The following SH3PXD2A variants were observed in gnomAD, a reference collection of about 807,000 sequenced individuals.
SH3PXD2A encodes SH3 and PX domain-containing protein 2A.
In SH3PXD2A, 32 loss-of-function variants were observed where a neutral mutation model predicts 115.2. That is an observed-to-expected ratio of 0.28 (90% CI 0.21 to 0.37). The LOEUF (loss-of-function observed/expected upper bound fraction) is 0.37, where lower values mean the gene tolerates loss of function less well. SH3PXD2A is among the 10% of genes least tolerant of loss of function. The pLI is 1.00. For missense variants in SH3PXD2A, 1,328 were observed against 1,498.7 expected, an observed-to-expected ratio of 0.89 and a Z score of 1.88; for synonymous variants, 610 against 629.1, an observed-to-expected ratio of 0.97 and a Z score of 0.45.
chr10:103,678,935 T>C (rs1363542399), intron 6 of SH3PXD2A, among the ~76,000 whole-genome samples: 1 of 152,214 alleles, frequency 6.6e-6, no homozygotes, highest in Non-Finnish European at 1.5e-5. Flanking sequence ...CAATCTGCAA[T>C]AGCTCCTCTG....
chr10:103,668,630 C>G lies in SH3PXD2A; in HGVS notation c.450G>C (p.Glu150Asp), dbSNP rs2037416161. ...RKSVWLSSWA[E>D]SPKKDVTGAD... Reference sequence around the variant, plus strand: ...TACCTGTCACGTCCTTCTTGGGCGACTCAGCCCAGCTGGACAGCCACACTT... The same window carrying G: ...TACCTGTCACGTCCTTCTTGGGCGAGTCAGCCCAGCTGGACAGCCACACTT... The change falls in exon 7 of 15, where the codon GAG (glutamate) becomes GAC (aspartate). Residue 150 changes from glutamate to aspartate, a missense_variant. Transcript: ENST00000369774. The G allele has an allele frequency of 6.4e-7, 1 of 1,558,476 alleles. No individual in the cohort carries two copies.
chr10:103,842,326 T>C (rs995052445), intron 1 of SH3PXD2A, among the ~76,000 whole-genome samples: 20 of 152,218 alleles, frequency 1.3e-4, no homozygotes, highest in African/African-American at 3.9e-4. Context: ...ATTTGATACC[T>C]GTATACAATG....
At chr10:103,791,776 G>A (rs1000565839) in intron 2 of SH3PXD2A, among the ~76,000 whole-genome samples, 3 of 151,998 alleles carry the variant, frequency 2.0e-5, no homozygotes, top group South Asian at 2.1e-4. Context: ...AACTGCACGA[G>A]AAGTTGCAAA....
At chr10:103,606,038 C>T in intron 13 of SH3PXD2A, 121 bp from the exon 14 acceptor site, 1 of 975,730 alleles carries the variant, frequency 1.0e-6, no homozygotes, top group Non-Finnish European at 1.5e-6. Context: ...AGCTGGACAG[C>T]AGCTGGCCTG....
intron 3 of SH3PXD2A, among the ~76,000 whole-genome samples, chr10:103,755,838 TG>T (rs1423377445): frequency 6.6e-6 from 1 of 152,198 alleles, no homozygotes; most frequent in African/African-American, 2.4e-5. Flanking sequence ...TGGCTTCTCC[TG>T]TTTGGGCCTG....
rs541852028 is a variant in SH3PXD2A at position 103,842,124 on chromosome 10, C to CAAA, written c.72+13068_72+13070dup. Among the ~76,000 whole-genome samples, 7 of 89,154 alleles carry CAAA rather than the reference C, an allele frequency of 7.9e-5. No homozygotes were observed. In the East Asian group the frequency reaches 9.1e-4, roughly 12 times the overall value. The allele number at this position is 89,154 out of a possible 152,430, so 58.5% of individuals were successfully genotyped here. Reference sequence around the variant, plus strand: ...TGGGCGACAGAGCGAGACTCCGTCTCAAAAAAAAAAAAAAAAAAAGCACAG... The same window carrying CAAA: ...TGGGCGACAGAGCGAGACTCCGTCTCAAAAAAAAAAAAAAAAAAAAAAGCACAG... On this transcript the variant is annotated intron_variant, in intron 1 of 14. Coordinates refer to ENST00000369774, the MANE Select transcript of SH3PXD2A (RefSeq NM_001394015.1).
At chr10:103,606,028 A>G (rs906244960) in intron 13 of SH3PXD2A, 111 bp from the exon 14 acceptor site, 43 of 1,084,712 alleles carry the variant, frequency 4.0e-5, no homozygotes, top group East Asian at 2.8e-4. Context: ...CGTTTACACC[A>G]GCTGGACAGC....
intron 10 of SH3PXD2A, among the ~76,000 whole-genome samples, chr10:103,622,259 G>A (rs1264077276): frequency 6.6e-6 from 1 of 152,118 alleles, no homozygotes; most frequent in Non-Finnish European, 1.5e-5. Flanking sequence ...TACCCAGGAG[G>A]TTGACAAAGC....
At chr10:103,712,294 A>C (rs549199825) in intron 5 of SH3PXD2A, among the ~76,000 whole-genome samples, 75 of 152,342 alleles carry the variant, frequency 4.9e-4, no homozygotes, top group South Asian at 1.2e-3. Flanking sequence ...TCCGGGCCAC[A>C]TGTCCTGGGT....
chr10:103,796,700 T>A (rs570906859), intron 2 of SH3PXD2A, among the ~76,000 whole-genome samples: 1 of 152,180 alleles, frequency 6.6e-6, no homozygotes, highest in Non-Finnish European at 1.5e-5. Flanking sequence ...GCCTGGACTC[T>A]CATCTTTCTA....
At chr10:103,848,869 G>GTCTAA (rs1394941935) in intron 1 of SH3PXD2A, among the ~76,000 whole-genome samples, 1 of 151,356 alleles carries the variant, frequency 6.6e-6, no homozygotes, top group Non-Finnish European at 1.5e-5. Flanking sequence ...CCAGGTACCG[G>GTCTAA]TCTAAGCTCT....
intron 13 of SH3PXD2A, among the ~76,000 whole-genome samples, chr10:103,607,396 A>T (rs1040154689): frequency 6.6e-6 from 1 of 150,596 alleles, no homozygotes; most frequent in African/African-American, 2.5e-5. Context: ...CCCGTCCGGG[A>T]GGGAGGTGGG....
chr10:103,799,323 C>G (rs2039125328), intron 2 of SH3PXD2A, among the ~76,000 whole-genome samples: 1 of 152,248 alleles, frequency 6.6e-6, no homozygotes, highest in Admixed American at 6.5e-5. Context: ...CACTAAAACT[C>G]ATCATGGCAG....
At chr10:103,604,099 G>T (rs1402983757) in intron 14 of SH3PXD2A, among the ~76,000 whole-genome samples, 1 of 152,144 alleles carries the variant, frequency 6.6e-6, no homozygotes, top group East Asian at 1.9e-4. Flanking sequence ...ACTGTTCCCA[G>T]TCCCTACAAT....
intron 8 of SH3PXD2A, among the ~76,000 whole-genome samples, chr10:103,631,045 A>G (rs567048060): frequency 6.6e-6 from 1 of 152,244 alleles, no homozygotes; most frequent in East Asian, 1.9e-4. Flanking sequence ...TAACTTATAC[A>G]TTTAAGGCCA....
At chr10:103,766,966 T>G in intron 3 of SH3PXD2A, 128 bp downstream of exon 3, 1 of 661,648 alleles carries the variant, frequency 1.5e-6, no homozygotes, top group Non-Finnish European at 2.7e-6. Context: ...CCTGGGGGAA[T>G]TGTTCATATG....
At chr10:103,651,843 G>A (rs545151432) in intron 8 of SH3PXD2A, among the ~76,000 whole-genome samples, 1 of 152,336 alleles carries the variant, frequency 6.6e-6, no homozygotes, top group East Asian at 1.9e-4. Flanking sequence ...GCAGGAGTGT[G>A]GAAGAACAGA....
At chr10:103,662,036 G>A (rs1394730776) in intron 7 of SH3PXD2A, 2 of 797,028 alleles carry the variant, frequency 2.5e-6, no homozygotes, top group African/African-American at 3.7e-5. Flanking sequence ...TTCCAGAGAG[G>A]GCCCTCTGGC....
chr10:103,606,713 T>A (rs1271625535), intron 13 of SH3PXD2A, among the ~76,000 whole-genome samples: 2 of 152,114 alleles, frequency 1.3e-5, no homozygotes, highest in Non-Finnish European at 2.9e-5. Context: ...GCCGGGCTGG[T>A]CTCCAGCTCC....
Sources: gnomAD v4.1 joint callset for allele counts (sites outside exome capture counted in the v4.1 genomes callset) on GRCh38, gnomAD v4.1.1 for gene constraint, MANE v1.5 for transcripts, NCBI Gene and HGNC (gene_info 2026-07-23, HGNC 2026-07-21) for gene names.